FRMD3: variants seen among roughly 807,000 people sequenced by gnomAD.
FRMD3 encodes the protein FERM domain containing 3, also known as FERM domain-containing protein 3.
FRMD3 carries 33 observed loss-of-function variants against 70.2 expected under a neutral mutation model. The ratio of observed to expected loss-of-function variants is 0.47; its 90% CI spans 0.36 to 0.63. FRMD3 has a LOEUF of 0.63. Among genes scored for constraint, FRMD3 ranks in the 20% least tolerant of loss-of-function variants. The probability of loss-of-function intolerance (pLI) is 0.00; values close to 1 mark genes in which losing one functional copy is unlikely to be tolerated. For missense variants in FRMD3, 632 were observed against 711.4 expected (o/e 0.89, Z 1.27); for synonymous variants, 279 against 255.9 (o/e 1.09, Z -0.86).
rs756031290 is a variant in FRMD3 at position 83,537,091 on chromosome 9, G to A, written c.147+994C>T. ...AACCTTTCCTGATTGTGTGCGCACCGAGTGGGGCATCTTTGGGGTCCTGGA... is the reference window on the plus strand; with the variant it reads ...AACCTTTCCTGATTGTGTGCGCACCAAGTGGGGCATCTTTGGGGTCCTGGA... On this transcript the variant is annotated intron_variant, in intron 1 of 13. Transcript: ENST00000304195. The surrounding 1 kb of genome is among the most constrained non-coding windows in gnomAD (Gnocchi z 4.1). Among the ~76,000 whole-genome samples, 6 of 152,174 alleles carry A rather than the reference G, an allele frequency of 3.9e-5. No individual in the cohort carries two copies. Among genetic ancestry groups the A allele is most frequent in the South Asian group, 4.2e-4 (2 of 4,816 alleles).
At chr9:83,339,759 CAGGAACTTTGT>C (rs1317591600) in intron 5 of FRMD3, among the ~76,000 whole-genome samples, 4 of 152,170 alleles carry the variant, frequency 2.6e-5, no homozygotes, top group African/African-American at 9.7e-5. Context: ...CATCTTCCCA[CAGGAACTTTGT>C]ATTGCCATGT....
rs117697673 is a variant in FRMD3 at position 83,311,233 on chromosome 9, C to T, written c.773+654G>A. Among the ~76,000 whole-genome samples, 1,221 of 151,482 alleles carry T rather than the reference C, an allele frequency of 8.1e-3. 7 individuals are homozygous for T. The highest frequency in any genetic ancestry group is 0.014 in the Non-Finnish European group (927 of 67,920). The stretch of plus-strand genomic sequence containing the variant: ...GATGTGCAGGCCAGTCCCGCACATG[C>T]CCATCTCAGGAGCAGGAGCCTCAGG... On this transcript the variant is annotated intron_variant, in intron 8 of 13. Coordinates refer to ENST00000304195, the MANE Select transcript of FRMD3 (RefSeq NM_174938.6).
intron 13 of FRMD3, among the ~76,000 whole-genome samples, chr9:83,265,997 T>C (rs1473077441): frequency 1.3e-5 from 2 of 152,218 alleles, no homozygotes; most frequent in Non-Finnish European, 2.9e-5. Context: ...AGTTATGATA[T>C]CTTTATATTA....
At chr9:83,424,337 C>T (rs1247163592) in intron 1 of FRMD3, among the ~76,000 whole-genome samples, 2 of 152,198 alleles carry the variant, frequency 1.3e-5, no homozygotes, top group Non-Finnish European at 2.9e-5. Context: ...CCCTTCCACC[C>T]TTACACTATG....
intron 1 of FRMD3, among the ~76,000 whole-genome samples, chr9:83,409,916 T>C (rs1826232465): frequency 6.6e-6 from 1 of 152,212 alleles, no homozygotes; most frequent in African/African-American, 2.4e-5. Context: ...GTCACAGTTT[T>C]CCTGAGCATT....
At chr9:83,528,933 T>C (rs1564118019) in intron 1 of FRMD3, among the ~76,000 whole-genome samples, 1 of 152,226 alleles carries the variant, frequency 6.6e-6, no homozygotes, top group East Asian at 1.9e-4. Flanking sequence ...CGATTATTGA[T>C]TCATTTAAAA....
At position 83,537,669 on chromosome 9, in the gene FRMD3, A is replaced by C. The variant is rs1237639995; in HGVS notation, c.147+416T>G. Among the ~76,000 whole-genome samples, 1 of 152,120 alleles carries C rather than the reference A, an allele frequency of 6.6e-6. No individual in the cohort carries two copies. The stretch of plus-strand genomic sequence containing the variant: ...AGAAATGAGTGAACCCAGCTGATGC[A>C]TGCCTTCTCCACGTGGAAGAAGGGA... On this transcript the variant is annotated intron_variant, in intron 1 of 13. Coordinates refer to ENST00000304195, the MANE Select transcript of FRMD3 (RefSeq NM_174938.6). This position sits in a 1 kb window ranked among gnomAD's most constrained non-coding sequence, Gnocchi z 4.1.
the FRMD3 span, among the ~76,000 whole-genome samples, chr9:83,562,139 C>A: frequency 1.3e-5 from 2 of 152,094 alleles, no homozygotes; most frequent in African/African-American, 4.8e-5. Flanking sequence ...AACGAGCTAG[C>A]GGGATATTTA....
At chr9:83,243,104 G>T, downstream of FRMD3, 1 of 1,230,606 alleles carries the variant, frequency 8.1e-7, no homozygotes, top group Non-Finnish European at 1.2e-6. Flanking sequence ...CACTGGGTGG[G>T]GCCCACCGAA....
intron 1 of FRMD3, among the ~76,000 whole-genome samples, chr9:83,532,524 AT>A (rs199692277): frequency 0.017 from 2,559 of 152,324 alleles, 163 homozygotes; most frequent in Admixed American, 0.12. Context: ...CTAAACTCTC[AT>A]GAAAGGTTTA....
chr9:83,290,460 G>A, intron 13 of FRMD3, 143 bp downstream of exon 13: 1 of 884,756 alleles, frequency 1.1e-6, no homozygotes, highest in South Asian at 1.5e-5. Flanking sequence ...GCTGCAAAAA[G>A]CTTATTTACT....
intron 3 of FRMD3, among the ~76,000 whole-genome samples, chr9:83,371,606 C>A (rs1185698585): frequency 1.3e-5 from 2 of 152,182 alleles, no homozygotes; most frequent in African/African-American, 4.8e-5. Flanking sequence ...GTGAGCCTGG[C>A]CCGTCCTATT....
In FRMD3 at chr9:83,410,359, A is replaced by C. The variant is rs185926249; in HGVS notation, c.148-20651T>G. 3.6e-3 allele frequency among the ~76,000 whole-genome samples: 540 copies of C among 151,934 alleles called. 3 individuals carry two copies. The highest frequency in any genetic ancestry group is 0.012 in the African/African-American group (502 of 41,444). Reference sequence around the variant, plus strand: ...TGTTGCCATCATTCTGTCCATAAGTACTCAATGTTTACCTGCCACTTATAC... The same window carrying C: ...TGTTGCCATCATTCTGTCCATAAGTCCTCAATGTTTACCTGCCACTTATAC... On this transcript the variant is annotated intron_variant, in intron 1 of 13. Coordinates refer to ENST00000304195, the MANE Select transcript of FRMD3 (RefSeq NM_174938.6).
Position 83,308,587 on chromosome 9 carries a change from G to T in FRMD3, c.926+949C>A, listed in dbSNP as rs188137548. ...TGAGCAGGGCTGGACTAGGTTCTTA[G>T]TTGCATCCACTACCACTGCCTTTCC... is the stretch of plus-strand genomic sequence containing the variant. On this transcript the variant is annotated intron_variant, in intron 10 of 13. Transcript: ENST00000304195. 2.6e-5 allele frequency among the ~76,000 whole-genome samples: 4 copies of T among 152,300 alleles called. No homozygotes were observed. The East Asian group carries it at 7.7e-4, about 29-fold the overall frequency.
intron 1 of FRMD3, among the ~76,000 whole-genome samples, chr9:83,442,253 T>A (rs1000832797): frequency 4.5e-5 from 6 of 133,304 alleles, no homozygotes; most frequent in Admixed American, 3.0e-4. Flanking sequence ...TTTATACAGA[T>A]CTTTTTTTTT....
chr9:83,378,321 C>T, intron 2 of FRMD3, among the ~76,000 whole-genome samples: 1 of 142,032 alleles, frequency 7.0e-6, no homozygotes. Flanking sequence ...AGTGCAGTGG[C>T]ACAATCTCAG....
chr9:83,450,279 A>G (rs887162187), intron 1 of FRMD3, among the ~76,000 whole-genome samples: 1 of 151,342 alleles, frequency 6.6e-6, no homozygotes, highest in Non-Finnish European at 1.5e-5. Context: ...AGCCGCATGC[A>G]CACAAGCCTC....
chr9:83,500,988 T>C (rs569688887), intron 1 of FRMD3, among the ~76,000 whole-genome samples: 2 of 152,348 alleles, frequency 1.3e-5, no homozygotes, highest in South Asian at 4.1e-4. Context: ...TTGCATAATA[T>C]ATGCGAAATA....
chr9:83,483,657 G>A (rs1023330138), intron 1 of FRMD3, among the ~76,000 whole-genome samples: 4 of 152,114 alleles, frequency 2.6e-5, no homozygotes, highest in Admixed American at 2.6e-4. Context: ...CCAGGAGTTT[G>A]AGACCAGCCT....
Sources: gnomAD v4.1 joint callset for allele counts (sites outside exome capture counted in the v4.1 genomes callset) on GRCh38, gnomAD v4.1.1 for gene constraint, Gnocchi (gnomAD v3.1) non-coding constraint, MANE v1.5 for transcripts, NCBI Gene and HGNC (gene_info 2026-07-23, HGNC 2026-07-21) for gene names.